Variants in MACROD2 observed in about 807,000 individuals in gnomAD.
The protein encoded by MACROD2 is mono-ADP ribosylhydrolase 2, also known as ADP-ribose glycohydrolase MACROD2.
Under a neutral mutation model 70.4 loss-of-function variants are expected in MACROD2, and 36 were observed. The observed-to-expected ratio is 0.51, with a 90% confidence interval of 0.39 to 0.68. The LOEUF is 0.68. Ranked by LOEUF, MACROD2 falls within the 30% of genes least tolerant of loss-of-function variation. The pLI is 0.00. For missense variants in MACROD2, 496 were observed against 538.4 expected, an observed-to-expected ratio of 0.92 and a Z score of 0.78; for synonymous variants, 172 against 178.8, an observed-to-expected ratio of 0.96 and a Z score of 0.30.
intron 8 of MACROD2, among the ~76,000 whole-genome samples, chr20:15,515,929 G>T (rs775684134): frequency 6.6e-5 from 10 of 152,176 alleles, no homozygotes; most frequent in Non-Finnish European, 1.2e-4. Context: ...TGTCTAAAAT[G>T]GGAAGCTTAT....
chr20:14,455,133 C>T (rs2084287301), intron 3 of MACROD2, among the ~76,000 whole-genome samples: 1 of 151,836 alleles, frequency 6.6e-6, no homozygotes, highest in Non-Finnish European at 1.5e-5. Flanking sequence ...TGTACTCCCT[C>T]AAGAGGTGTC....
intron 8 of MACROD2, among the ~76,000 whole-genome samples, chr20:15,587,544 C>G (rs894985566): frequency 1.3e-5 from 2 of 152,212 alleles, no homozygotes; most frequent in Non-Finnish European, 2.9e-5. Context: ...AGGCAAGTCC[C>G]TTCCGCCTAT....
intron 5 of MACROD2, among the ~76,000 whole-genome samples, chr20:14,939,760 G>A (rs905395339): frequency 1.3e-5 from 2 of 151,254 alleles, no homozygotes; most frequent in Non-Finnish European, 3.0e-5. Context: ...CCCTTTTTTG[G>A]TGTTCTCTAC....
In MACROD2 at chr20:14,014,922, T is replaced by G. The variant is rs13038954; in HGVS notation, c.163+12518T>G. ...CTCAATCAATTCTCCTACCTCAGCC[T>G]CCTGAGTAGTTGGGACTACAGGTGC... On this transcript the variant is annotated intron_variant, in intron 2 of 17. Transcript: ENST00000684519. Among the ~76,000 whole-genome samples, 557 of 151,874 alleles carry G rather than the reference T, an allele frequency of 3.7e-3. 1 individual carries two copies. The highest frequency in any genetic ancestry group is 6.2e-3 in the Non-Finnish European group (421 of 67,956).
At chr20:15,543,004 A>G (rs1024108331) in intron 8 of MACROD2, among the ~76,000 whole-genome samples, 3 of 152,180 alleles carry the variant, frequency 2.0e-5, no homozygotes, top group African/African-American at 7.2e-5. Context: ...CTGGGTTGCT[A>G]TGCCTGTCAA....
chr20:15,826,242 A>G (rs1211003814), intron 8 of MACROD2, among the ~76,000 whole-genome samples: 2 of 152,208 alleles, frequency 1.3e-5, no homozygotes, highest in Non-Finnish European at 2.9e-5. Context: ...CCTCACTTCA[A>G]ATTGTATTAT....
At chr20:15,667,945 T>C (rs748582436) in intron 8 of MACROD2, among the ~76,000 whole-genome samples, 14 of 152,316 alleles carry the variant, frequency 9.2e-5, no homozygotes, top group East Asian at 1.9e-4. Context: ...AGGTTGAATA[T>C]TTTTGGCTAG....
At chr20:14,481,228 C>T (rs1345413408) in intron 3 of MACROD2, among the ~76,000 whole-genome samples, 1 of 152,048 alleles carries the variant, frequency 6.6e-6, no homozygotes, top group Non-Finnish European at 1.5e-5. Context: ...AAATTTAGCT[C>T]AAGTCTTTCA....
intron 5 of MACROD2, among the ~76,000 whole-genome samples, chr20:15,213,941 CA>C (rs1295586643): frequency 6.6e-6 from 1 of 151,644 alleles, no homozygotes; most frequent in Non-Finnish European, 1.5e-5. Context: ...ACACGGTCTC[CA>C]TAAAAGAAAC....
chr20:15,868,006 A>G (rs2064518160), intron 9 of MACROD2, among the ~76,000 whole-genome samples: 1 of 152,126 alleles, frequency 6.6e-6, no homozygotes, highest in African/African-American at 2.4e-5. Context: ...GGGTGCTGCT[A>G]AGCATTCTAC....
In MACROD2 at chr20:15,464,360, A is replaced by G. The variant is rs78480883; in HGVS notation, c.571+32925A>G. Reference sequence around the variant, plus strand: ...TTCACGAAAGACAAGTCATTCCCTGACACCATTTACTCAGAAATGGGAGGG... The same window carrying G: ...TTCACGAAAGACAAGTCATTCCCTGGCACCATTTACTCAGAAATGGGAGGG... On this transcript the variant is annotated intron_variant, in intron 7 of 17. Coordinates refer to ENST00000684519, the MANE Select transcript of MACROD2 (RefSeq NM_001351661.2). Among the ~76,000 whole-genome samples the G allele has an allele frequency of 6.4e-3, 970 of 152,290 alleles. 12 individuals are homozygous for G. Among genetic ancestry groups the G allele is most frequent in the African/African-American group, 0.022 (895 of 41,562 alleles).
intron 3 of MACROD2, among the ~76,000 whole-genome samples, chr20:14,285,940 C>T (rs2082340156): frequency 6.6e-6 from 1 of 150,426 alleles, no homozygotes; most frequent in Non-Finnish European, 1.5e-5. Flanking sequence ...TTGTTATTAT[C>T]TTGTCACTGA....
intron 5 of MACROD2, among the ~76,000 whole-genome samples, chr20:14,717,771 C>T (rs1248941528): frequency 6.6e-6 from 1 of 152,042 alleles, no homozygotes; most frequent in Non-Finnish European, 1.5e-5. Flanking sequence ...CATTACTTTC[C>T]TTGGTTCTCA....
chr20:15,747,377 G>A (rs1041263579), intron 8 of MACROD2, among the ~76,000 whole-genome samples: 6 of 152,118 alleles, frequency 3.9e-5, no homozygotes, highest in Admixed American at 2.0e-4. Context: ...GGCCTCTCAG[G>A]TAAACGTTTG....
At chr20:14,349,512 A>G (rs2122689088) in intron 3 of MACROD2, among the ~76,000 whole-genome samples, 1 of 148,554 alleles carries the variant, frequency 6.7e-6, no homozygotes, top group Admixed American at 6.7e-5. Flanking sequence ...CCTATTAACC[A>G]TATATATTGT....
intron 2 of MACROD2, among the ~76,000 whole-genome samples, chr20:14,013,662 C>A (rs1454875404): frequency 1.4e-5 from 2 of 147,234 alleles, no homozygotes; most frequent in Admixed American, 6.8e-5. Flanking sequence ...TGTAAATTGT[C>A]CTTATATTAA....
At chr20:15,401,710 T>C (rs6079802) in intron 6 of MACROD2, among the ~76,000 whole-genome samples, 52,732 of 152,118 alleles carry the variant, frequency 0.35, 9,548 homozygotes, top group Non-Finnish European at 0.39. Flanking sequence ...TGTTTGTTAA[T>C]AAATTACCGA....
At chr20:15,116,202 CTG>C (rs1482224157) in intron 5 of MACROD2, among the ~76,000 whole-genome samples, 1 of 152,156 alleles carries the variant, frequency 6.6e-6, no homozygotes, top group African/African-American at 2.4e-5. Context: ...CCTGTTCACA[CTG>C]TGTGTGTCCA....
At chr20:14,103,542 TTAAGA>T (rs2148680337) in intron 3 of MACROD2, among the ~76,000 whole-genome samples, 2 of 152,296 alleles carry the variant, frequency 1.3e-5, no homozygotes, top group South Asian at 4.1e-4. Context: ...ACATGAATAC[TTAAGA>T]TAGGAAGAAT....
Sources: allele counts gnomAD v4.1 joint callset (sites outside exome capture counted in the v4.1 genomes callset), GRCh38; gene constraint gnomAD v4.1.1; transcripts MANE v1.5; gene names NCBI Gene and HGNC (gene_info 2026-07-23, HGNC 2026-07-21).